Variants in SPATA6L observed in about 807,000 individuals in gnomAD.
SPATA6L encodes spermatogenesis associated 6 like, also known as spermatogenesis associated 6-like protein.
Under a neutral mutation model 49.2 loss-of-function variants are expected in SPATA6L, and 68 were observed. The observed-to-expected ratio is 1.38, with a 90% CI of 1.14 to 1.69. The LOEUF (loss-of-function observed/expected upper bound fraction) is 1.69, where lower values mean the gene tolerates loss of function less well. Among genes scored for constraint, SPATA6L ranks in the 40% most tolerant of loss-of-function variants. The probability of loss-of-function intolerance (pLI) is 0.00; values close to 1 mark genes in which losing one functional copy is unlikely to be tolerated. For missense variants in SPATA6L, 668 were observed against 464.3 expected, an observed-to-expected ratio of 1.44 and a Z score of -4.03; for synonymous variants, 198 against 165.7, an observed-to-expected ratio of 1.19 and a Z score of -1.50.
At chr9:4,594,112 T>C (rs1306824900), downstream of SPATA6L, among the ~76,000 whole-genome samples, 1 of 152,242 alleles carries the variant, frequency 6.6e-6, no homozygotes, top group Non-Finnish European at 1.5e-5. Flanking sequence ...CCACTTTCTG[T>C]TGGCTTTTCC....
downstream of SPATA6L, among the ~76,000 whole-genome samples, chr9:4,595,139 T>A (rs899588201): frequency 2.0e-5 from 3 of 152,202 alleles, no homozygotes; most frequent in African/African-American, 7.2e-5. Context: ...ATTCTCTCCA[T>A]CAATACCTCA....
At chr9:4,648,519 T>A (rs1403921361) in intron 3 of SPATA6L, among the ~76,000 whole-genome samples, 2 of 151,696 alleles carry the variant, frequency 1.3e-5, no homozygotes, top group Admixed American at 6.6e-5. Context: ...TCTAACTCGG[T>A]GAAACCCCGT....
At chr9:4,627,913 G>T in intron 5 of SPATA6L, 1 of 795,380 alleles carries the variant, frequency 1.3e-6, no homozygotes, top group East Asian at 6.5e-5. Context: ...ACACATAATG[G>T]AGTGCTATTC....
intron 3 of SPATA6L, among the ~76,000 whole-genome samples, chr9:4,644,890 A>G (rs1458218144): frequency 6.6e-6 from 1 of 152,172 alleles, no homozygotes; most frequent in Non-Finnish European, 1.5e-5. Flanking sequence ...TCCTCCTAGA[A>G]TCTCATGATT....
chr9:4,605,235 T>C, intron 10 of SPATA6L, 112 bp downstream of exon 10: 1 of 783,650 alleles, frequency 1.3e-6, no homozygotes, highest in Non-Finnish European at 2.1e-6. Flanking sequence ...CTCACAATTT[T>C]CCACTTATTT....
chr9:4,629,755 A>ATATGTGTGTG (rs1554721565), intron 4 of SPATA6L, among the ~76,000 whole-genome samples: 18 of 125,424 alleles, frequency 1.4e-4, no homozygotes, highest in South Asian at 5.2e-4. Flanking sequence ...TGTTTTATAT[A>ATATGTGTGTG]TGTGTGTGTG....
intron 13 of SPATA6L, among the ~76,000 whole-genome samples, chr9:4,591,830 T>C (rs1316962508): frequency 6.6e-6 from 1 of 152,206 alleles, no homozygotes; most frequent in African/African-American, 2.4e-5. Context: ...TGTTTGCTTC[T>C]ATATCAATCC....
At chr9:4,612,512 G>C (rs1280078584) in intron 9 of SPATA6L, among the ~76,000 whole-genome samples, 1 of 152,208 alleles carries the variant, frequency 6.6e-6, no homozygotes, top group Non-Finnish European at 1.5e-5. Flanking sequence ...CAATTGTTGA[G>C]TTCTCAGCAA....
intron 3 of SPATA6L, among the ~76,000 whole-genome samples, chr9:4,648,676 G>A (rs1054865685): frequency 7.0e-6 from 1 of 143,766 alleles, no homozygotes; most frequent in Non-Finnish European, 1.5e-5. Context: ...CTCCAGCCTG[G>A]GCGACAGAGC....
chr9:4,591,307 A>G (rs979020091), intron 13 of SPATA6L, among the ~76,000 whole-genome samples: 1 of 152,222 alleles, frequency 6.6e-6, no homozygotes, highest in Non-Finnish European at 1.5e-5. Flanking sequence ...TTGTGTTTCC[A>G]AGGTTATTAG....
intron 2 of SPATA6L, among the ~76,000 whole-genome samples, chr9:4,656,350 G>A (rs537136962): frequency 2.6e-4 from 40 of 151,922 alleles, no homozygotes; most frequent in Non-Finnish European, 5.6e-4. Context: ...GAGGCTGGAG[G>A]GTCACTTGAG....
intron 3 of SPATA6L, among the ~76,000 whole-genome samples, chr9:4,647,038 A>C (rs1213584283): frequency 6.6e-6 from 1 of 151,902 alleles, no homozygotes; most frequent in Non-Finnish European, 1.5e-5. Context: ...TATATAACAA[A>C]CCTGCACATA....
chr9:4,613,227 C>CA (rs910846150), intron 9 of SPATA6L, among the ~76,000 whole-genome samples: 610 of 129,694 alleles, frequency 4.7e-3, no homozygotes, highest in African/African-American at 0.01. Context: ...GATTCTATCT[C>CA]AAAAAAAAAA....
At chr9:4,624,323 A>G (rs551933469) in intron 6 of SPATA6L, among the ~76,000 whole-genome samples, 1 of 152,356 alleles carries the variant, frequency 6.6e-6, no homozygotes, top group East Asian at 1.9e-4. Context: ...TGCAAGCATA[A>G]GGCAGAGAAA....
At chr9:4,607,647 C>T (rs1302583861) in intron 9 of SPATA6L, among the ~76,000 whole-genome samples, 4 of 152,018 alleles carry the variant, frequency 2.6e-5, no homozygotes, top group Non-Finnish European at 1.5e-5. Context: ...GAAGGAAGCG[C>T]TAAACATGGA....
intron 3 of SPATA6L, among the ~76,000 whole-genome samples, chr9:4,642,928 T>A (rs535515657): frequency 6.6e-6 from 1 of 152,082 alleles, no homozygotes; most frequent in Non-Finnish European, 1.5e-5. Context: ...AAAATGAAAA[T>A]TTTTAAGAAG....
At chr9:4,657,035 T>C (rs1337248429) in intron 2 of SPATA6L, among the ~76,000 whole-genome samples, 2 of 152,220 alleles carry the variant, frequency 1.3e-5, no homozygotes, top group Admixed American at 6.5e-5. Context: ...AATATCTGTC[T>C]AGCCATTGCC....
intron 2 of SPATA6L, among the ~76,000 whole-genome samples, chr9:4,659,797 A>G (rs1230443416): frequency 1.3e-5 from 2 of 152,256 alleles, no homozygotes; most frequent in Non-Finnish European, 2.9e-5. Context: ...GGCTACAGTA[A>G]CCAAAACAGC....
intron 11 of SPATA6L, among the ~76,000 whole-genome samples, chr9:4,602,845 G>T (rs1442118235): frequency 6.6e-6 from 1 of 152,202 alleles, no homozygotes; most frequent in Non-Finnish European, 1.5e-5. Flanking sequence ...CTATGCCTCA[G>T]TTTTCCTATC....
Sources: allele counts gnomAD v4.1 joint callset (sites outside exome capture counted in the v4.1 genomes callset), GRCh38; gene constraint gnomAD v4.1.1; transcripts MANE v1.5; gene names NCBI Gene and HGNC (gene_info 2026-07-23, HGNC 2026-07-21).